PLXNA4: variants seen among roughly 807,000 people sequenced by gnomAD.
PLXNA4 encodes plexin A4.
PLXNA4 carries 44 observed loss-of-function variants against 191.8 expected under a neutral mutation model. The observed-to-expected ratio is 0.23, with a 90% CI of 0.18 to 0.29. The LOEUF (loss-of-function observed/expected upper bound fraction) is 0.29, where lower values mean the gene tolerates loss of function less well. Ranked by LOEUF, PLXNA4 falls within the 10% of genes least tolerant of loss-of-function variation. PLXNA4 has a pLI of 1.00. For missense variants in PLXNA4, 1,800 were observed against 2,488.8 expected, an observed-to-expected ratio of 0.72 and a Z score of 5.89; for synonymous variants, 1,082 against 1,009.5, an observed-to-expected ratio of 1.07 and a Z score of -1.36.
intron 3 of PLXNA4, among the ~76,000 whole-genome samples, chr7:132,342,470 G>C (rs1250035374): frequency 6.6e-6 from 1 of 151,908 alleles, no homozygotes; most frequent in Non-Finnish European, 1.5e-5. Context: ...CTGTAGACAA[G>C]GGTGTGTTTT....
At chr7:132,353,736 GT>G (rs1302674997) in intron 3 of PLXNA4, among the ~76,000 whole-genome samples, 1 of 152,104 alleles carries the variant, frequency 6.6e-6, no homozygotes. Flanking sequence ...TGGTTCTATG[GT>G]TGAGAGGCAG....
chr7:132,368,878 T>C (rs546283378), intron 3 of PLXNA4, among the ~76,000 whole-genome samples: 2 of 152,308 alleles, frequency 1.3e-5, no homozygotes, highest in South Asian at 2.1e-4. Flanking sequence ...GGAACCCACA[T>C]TGCATCTGCA....
intron 1 of PLXNA4, among the ~76,000 whole-genome samples, chr7:132,540,500 A>C (rs2116498788): frequency 6.7e-6 from 1 of 149,054 alleles, no homozygotes; most frequent in Middle Eastern, 3.6e-3. Context: ...GAATTCCCCA[A>C]ATTTCCCCAA....
At chr7:132,335,936 C>T (rs1473983811) in intron 3 of PLXNA4, among the ~76,000 whole-genome samples, 1 of 152,198 alleles carries the variant, frequency 6.6e-6, no homozygotes, top group African/African-American at 2.4e-5. Context: ...TTTGGCAAGA[C>T]CACCAGAGTT....
At position 132,538,427 on chromosome 7, in the gene PLXNA4, C is replaced by T. The variant is rs187002555; in HGVS notation, c.-86-29648G>A. 5.9e-5 allele frequency among the ~76,000 whole-genome samples: 9 copies of T among 152,312 alleles called. No homozygotes were observed. The South Asian group carries it at 1.5e-3, about 25-fold the overall frequency. On this transcript the variant is annotated intron_variant, in intron 1 of 31. Coordinates refer to ENST00000321063, the MANE Select transcript of PLXNA4 (RefSeq NM_020911.2). ...GTGAATGGAACTGAAGTGTCCCCAC[C>T]GTCAGGAATTCAGACAGAGCAAGCA...
Position 132,384,672 on chromosome 7 carries a change from T to C in PLXNA4, c.1372-86450A>G, listed in dbSNP as rs60507125. 3.7e-3 allele frequency: 3,672 copies of C among 996,822 alleles called. 114 individuals are homozygous for C. In the African/African-American group the frequency reaches 0.06, roughly 16 times the overall value. The allele number at this position is 996,822 out of a possible 1,614,324, so 61.7% of individuals were successfully genotyped here. A position where few individuals can be genotyped will look rare whatever the true frequency, so the allele number is the denominator to read the frequency against. ...GGTTCTGAGCACTGAGTTAATTACA[T>C]GATGCTGCAGTACGGTGGGCTCCAT... On this transcript the variant is annotated intron_variant, in intron 3 of 31. Transcript: ENST00000321063.
chr7:132,491,040 C>A (rs1025577255), intron 2 of PLXNA4, among the ~76,000 whole-genome samples: 1 of 152,172 alleles, frequency 6.6e-6, no homozygotes, highest in Non-Finnish European at 1.5e-5. Flanking sequence ...CTCACACACA[C>A]ACCCCTCTGG....
Position 132,365,356 on chromosome 7 carries a change from T to TGC in PLXNA4, c.1372-67135_1372-67134insGC, listed in dbSNP as rs1382113654. ...GTGTGTGTGTGTGTGTGTGTGTGTG[T>TGC]GTGTGCGTGCGCGCGCATGCATGGG... On this transcript the variant is annotated intron_variant, in intron 3 of 31. Transcript: ENST00000321063. 8.0e-3 allele frequency among the ~76,000 whole-genome samples: 700 copies of TGC among 87,690 alleles called. 6 individuals carry two copies. The highest frequency in any genetic ancestry group is 0.036 in the African/African-American group (628 of 17,642). 57.5% of individuals were successfully genotyped at this position (87,690 alleles called of 152,430 possible).
At chr7:132,225,899 G>A (rs910400637) in intron 8 of PLXNA4, among the ~76,000 whole-genome samples, 7 of 152,140 alleles carry the variant, frequency 4.6e-5, no homozygotes, top group African/African-American at 1.7e-4. Context: ...GATGTGGAGA[G>A]CCCCACTCCA....
At chr7:132,397,095 G>T (rs1793798106) in intron 3 of PLXNA4, among the ~76,000 whole-genome samples, 1 of 152,214 alleles carries the variant, frequency 6.6e-6, no homozygotes, top group Admixed American at 6.5e-5. Context: ...TCCATTTTAG[G>T]CTAAAAGCCT....
At chr7:132,447,685 T>C (rs1367437184) in intron 3 of PLXNA4, among the ~76,000 whole-genome samples, 1 of 152,100 alleles carries the variant, frequency 6.6e-6, no homozygotes, top group Non-Finnish European at 1.5e-5. Context: ...GGTGAGCATC[T>C]CTCCTAAGTT....
At chr7:132,246,529 T>G (rs1021191880) in intron 4 of PLXNA4, among the ~76,000 whole-genome samples, 3 of 152,200 alleles carry the variant, frequency 2.0e-5, no homozygotes, top group Non-Finnish European at 4.4e-5. Flanking sequence ...CCCCTGATTT[T>G]AGAAAATCCT....
intron 3 of PLXNA4, among the ~76,000 whole-genome samples, chr7:132,323,625 C>T (rs1358107873): frequency 4.6e-5 from 7 of 152,162 alleles, no homozygotes; most frequent in South Asian, 2.1e-4. Flanking sequence ...TCTTCTGACA[C>T]GACTCTCCCA....
intron 3 of PLXNA4, among the ~76,000 whole-genome samples, chr7:132,488,708 C>T (rs1018845925): frequency 6.6e-5 from 10 of 152,266 alleles, no homozygotes; most frequent in Non-Finnish European, 1.2e-4. Flanking sequence ...TGCCAGCTTC[C>T]GGAAGATGCA....
At chr7:132,436,360 C>T (rs1795468603) in intron 3 of PLXNA4, among the ~76,000 whole-genome samples, 1 of 152,184 alleles carries the variant, frequency 6.6e-6, no homozygotes, top group Non-Finnish European at 1.5e-5. Flanking sequence ...GAGGTAAGGC[C>T]ATGGCAACGA....
chr7:132,518,556 G>C (rs1480649922), intron 1 of PLXNA4, among the ~76,000 whole-genome samples: 1 of 152,210 alleles, frequency 6.6e-6, no homozygotes, highest in Non-Finnish European at 1.5e-5. Flanking sequence ...TGGGGAAGAG[G>C]GAGCGATGGA....
At chr7:132,395,160 A>G (rs1029218932) in intron 3 of PLXNA4, among the ~76,000 whole-genome samples, 1 of 152,202 alleles carries the variant, frequency 6.6e-6, no homozygotes, top group African/African-American at 2.4e-5. Flanking sequence ...GAAACACTCA[A>G]TTAGGCATTC....
intron 3 of PLXNA4, among the ~76,000 whole-genome samples, chr7:132,421,262 G>A (rs987681711): frequency 6.6e-6 from 1 of 152,190 alleles, no homozygotes; most frequent in Non-Finnish European, 1.5e-5. Context: ...ATTGTAGCAT[G>A]TGTCAGAATG....
In PLXNA4 at chr7:132,294,809, G is replaced by A. The variant is rs759597025; in HGVS notation, c.1503+3282C>T. The stretch of plus-strand genomic sequence containing the variant: ...GACTGGTGCTCTTAGAAGAAGAGGC[G>A]AGTAGGACACATAGAGAAACACCAG... On this transcript the variant is annotated intron_variant, in intron 4 of 31. Transcript: ENST00000321063. 1.8e-4 allele frequency among the ~76,000 whole-genome samples: 28 copies of A among 152,284 alleles called. No individual in the cohort carries two copies. The East Asian group carries it at 1.9e-3, about 11-fold the overall frequency.
Sources: allele counts gnomAD v4.1 joint callset (sites outside exome capture counted in the v4.1 genomes callset), GRCh38; gene constraint gnomAD v4.1.1; transcripts MANE v1.5; gene names NCBI Gene and HGNC (gene_info 2026-07-23, HGNC 2026-07-21).